DMD: variants seen among roughly 807,000 people sequenced by gnomAD.
DMD encodes mutant dystrophin.
In DMD, 63 loss-of-function variants were observed where a neutral mutation model predicts 330.1. That is an observed-to-expected ratio of 0.19 (90% CI 0.16 to 0.24). The LOEUF (loss-of-function observed/expected upper bound fraction) is 0.24. DMD is among the 10% of genes least tolerant of loss of function. DMD has a pLI of 1.00. For synonymous variants in DMD, 1,223 were observed against 959.8 expected (o/e 1.27, Z -5.07); for missense variants, 3,344 against 2,684.1 (o/e 1.25, Z -5.43).
intron 51 of DMD, among the ~76,000 whole-genome samples, chrX:31,767,174 CATTAATTTCTTA>C (rs1267527606): frequency 4.9e-4 from 55 of 111,718 alleles, no homozygotes; most frequent in African/African-American, 1.7e-3. Context: ...CAGATTACAA[CATTAATTTCTTA>C]ATTAATTTCT....
chrX:31,975,678 ACT>A (rs1363355248), intron 44 of DMD, among the ~76,000 whole-genome samples: 1 of 112,052 alleles, frequency 8.9e-6, no homozygotes, highest in Non-Finnish European at 1.9e-5. Context: ...CTCAAAAAAC[ACT>A]GTCTCAGGAC....
At chrX:32,388,993 C>A (rs1397128122) in intron 32 of DMD, among the ~76,000 whole-genome samples, 1 of 111,384 alleles carries the variant, frequency 9.0e-6, no homozygotes, top group African/African-American at 3.3e-5. Flanking sequence ...ATATCCAGTA[C>A]TGGTGTTTAA....
intron 77 of DMD, among the ~76,000 whole-genome samples, 157 bp downstream of exon 77, chrX:31,133,945 T>C (rs1277179242): frequency 1.8e-5 from 2 of 112,262 alleles, no homozygotes; most frequent in Admixed American, 1.9e-4. Context: ...AAACCACAAA[T>C]TCACACTTAA....
chrX:32,489,748 A>G (rs745500464), intron 20 of DMD, among the ~76,000 whole-genome samples: 26 of 112,067 alleles, frequency 2.3e-4, no homozygotes, highest in African/African-American at 8.1e-4. Flanking sequence ...ACTAACTACT[A>G]TATCTGAATC....
At position 32,217,047 on chromosome X, in the gene DMD, C is replaced by T. The variant is rs1366147187; in HGVS notation, c.6307G>A (p.Val2103Ile). 6.6e-6 allele frequency: 8 copies of T among 1,209,671 alleles called. No individual in the cohort carries two copies. Among genetic ancestry groups the T allele is most frequent in the Non-Finnish European group, 7.8e-6 (7 of 894,109 alleles). The change falls in exon 44 of 79, where the codon GTT becomes ATT. Residue 2103 changes from valine (V) to isoleucine (I), a missense_variant. By Grantham distance (29) the Val-to-Ile change is conservative (BLOSUM62 3). Coordinates refer to ENST00000357033, the MANE Select transcript of DMD (RefSeq NM_004006.3). Reference protein sequence around the residue: ...KDRQGRFDRSVEKWRRFHYDI... With the variant: ...KDRQGRFDRSIEKWRRFHYDI... ...TAATGAAAACGCCGCCATTTCTCAA[C>T]AGATCTGTCAAATCGCCTGCAGGTA...
chrX:32,750,113 G>A (rs1011267245), intron 7 of DMD, among the ~76,000 whole-genome samples: 4 of 111,953 alleles, frequency 3.6e-5, no homozygotes, highest in Non-Finnish European at 5.6e-5. Context: ...TTATTGACTT[G>A]TGATTTACAA....
chrX:32,245,191 C>T (rs371231620), intron 43 of DMD, among the ~76,000 whole-genome samples: 1 of 97,165 alleles, frequency 1.0e-5, no homozygotes, highest in Non-Finnish European at 2.0e-5. Flanking sequence ...GCTAGCCAGT[C>T]TTCCCAGCAC....
At chrX:31,669,158 G>A (rs1205584068) in intron 53 of DMD, among the ~76,000 whole-genome samples, 1 of 111,744 alleles carries the variant, frequency 8.9e-6, no homozygotes, top group Non-Finnish European at 1.9e-5. Context: ...TGGTAATTCT[G>A]TTTTCAGTTT....
intron 44 of DMD, among the ~76,000 whole-genome samples, chrX:31,998,655 C>A (rs903674799): frequency 9.0e-6 from 1 of 111,596 alleles, no homozygotes; most frequent in African/African-American, 3.2e-5. Context: ...CACGTCGTAA[C>A]CTGACCTGAT....
At position 32,697,945 on chromosome X, in the gene DMD, T is replaced by A. The variant is rs1290943376; in HGVS notation, c.885A>T (p.Arg295=). The change falls in exon 9 of 79, where the codon CGA becomes CGT. Residue 295 remains arginine (R), a synonymous_variant. Coordinates refer to ENST00000357033, the MANE Select transcript of DMD (RefSeq NM_004006.3). ...CCTGTGTGTAGGCATAGCTCTTGAA[T>A]CGAGGCTTAGGGGAAGAAGTTCTCT... ...GYERTSSPKP[R]FKSYAYTQAA... is the part of the protein sequence containing the mutation. 3 of 1,206,104 alleles carry A rather than the reference T, an allele frequency of 2.5e-6. No individual in the cohort carries two copies. The South Asian group carries it at 5.4e-5, about 22-fold the overall frequency.
intron 4 of DMD, among the ~76,000 whole-genome samples, chrX:32,828,666 CACACATATAT>C (rs956806348): frequency 1.4e-4 from 14 of 101,236 alleles, no homozygotes; most frequent in African/African-American, 5.8e-4. Flanking sequence ...TATACATACA[CACACATATAT>C]ACACATATAT....
At chrX:32,969,147 C>A (rs1238985900) in intron 2 of DMD, among the ~76,000 whole-genome samples, 2 of 102,988 alleles carry the variant, frequency 1.9e-5, no homozygotes, top group African/African-American at 7.0e-5. Context: ...AGACACCTAA[C>A]ATGCTGGTGA....
intron 64 of DMD, among the ~76,000 whole-genome samples, chrX:31,210,293 C>T (rs57269367): frequency 0.068 from 7,617 of 111,544 alleles, 233 homozygotes; most frequent in Admixed American, 0.14. Context: ...AAAGTAATTG[C>T]ATAATCTATC....
At chrX:31,318,246 G>A (rs1408218158) in intron 62 of DMD, among the ~76,000 whole-genome samples, 4 of 112,040 alleles carry the variant, frequency 3.6e-5, no homozygotes, top group Non-Finnish European at 7.5e-5. Context: ...ACCAAGATCC[G>A]TGAGTTCAAA....
intron 44 of DMD, among the ~76,000 whole-genome samples, chrX:32,007,214 TATAATAATAATAATAATA>T (rs200080398): frequency 2.3e-4 from 22 of 94,440 alleles, no homozygotes; most frequent in Admixed American, 7.1e-4. Context: ...AAACTTAAAG[TATAATAATAATAATAATA>T]ATAATAATAA....
intron 43 of DMD, among the ~76,000 whole-genome samples, chrX:32,268,682 A>G (rs749113685): frequency 5.4e-5 from 6 of 112,051 alleles, no homozygotes; most frequent in Non-Finnish European, 1.1e-4. Flanking sequence ...GCAAGAATTT[A>G]TATTATTAAT....
At chrX:33,313,547 C>T (rs768843509) in intron 1 of DMD, among the ~76,000 whole-genome samples, 1 of 110,974 alleles carries the variant, frequency 9.0e-6, no homozygotes, top group Non-Finnish European at 1.9e-5. Context: ...ACTAAGTAAC[C>T]AGGAGAAGAC....
intron 4 of DMD, among the ~76,000 whole-genome samples, chrX:32,838,856 A>G (rs1264731499): frequency 8.9e-6 from 1 of 111,947 alleles, no homozygotes; most frequent in Non-Finnish European, 1.9e-5. Context: ...CCATTGTGGA[A>G]GACAGTGTGG....
intron 13 of DMD, among the ~76,000 whole-genome samples, chrX:32,589,537 T>C (rs752157881): frequency 1.7e-4 from 19 of 111,136 alleles, no homozygotes; most frequent in Non-Finnish European, 2.6e-4. Context: ...TACACATTTA[T>C]ACATATATTT....
Sources: allele counts gnomAD v4.1 joint callset (sites outside exome capture counted in the v4.1 genomes callset), GRCh38; gene constraint gnomAD v4.1.1; transcripts MANE v1.5; gene names NCBI Gene and HGNC (gene_info 2026-07-23, HGNC 2026-07-21).